ZNF572: variants seen among roughly 807,000 people sequenced by gnomAD.
The protein encoded by ZNF572 is zinc finger protein 572.
Under a neutral mutation model 3.8 loss-of-function variants are expected in ZNF572, and 2 were observed. The observed-to-expected ratio is 0.52, with a 90% confidence interval of 0.21 to 1.65. The LOEUF (loss-of-function observed/expected upper bound fraction) is 1.65. Among genes scored for constraint, ZNF572 ranks in the 40% most tolerant of loss-of-function variants. ZNF572 has a pLI of 0.20. For missense variants in ZNF572, 581 were observed against 633.4 expected, an observed-to-expected ratio of 0.92 and a Z score of 0.89; for synonymous variants, 187 against 204.5, an observed-to-expected ratio of 0.91 and a Z score of 0.73.
chr8:124,977,851 C>T lies in ZNF572; in HGVS notation c.1583C>T (p.Ser528Phe). ...FISSFSVSNS[S>F]S is the part of the protein sequence containing the mutation. ...TCTTCATTTTCCGTCTCAAATTCAT[C>T]TTCCTGAGTCCCAAAGCCTGGTTGG... The change falls in exon 3 of 3, where the codon TCT (serine) becomes TTT (phenylalanine). Residue 528 changes from serine to phenylalanine, a missense_variant. Transcript: ENST00000319286. The T allele has an allele frequency of 3.2e-6, 5 of 1,575,538 alleles. No individual in the cohort carries two copies. Among genetic ancestry groups the T allele is most frequent in the Non-Finnish European group, 4.3e-6 (5 of 1,160,394 alleles).
chr8:124,976,280 T>C (rs1814504567), intron 2 of ZNF572, 68 bp from the exon 3 acceptor site: 3 of 1,372,966 alleles, frequency 2.2e-6, no homozygotes, highest in Admixed American at 2.3e-5. Context: ...TCTCTTCCAC[T>C]GCAATTTAGA....
rs1442066366 is a variant in ZNF572 at position 124,976,983 on chromosome 8, A to G, written c.715A>G (p.Thr239Ala). 1 of 1,614,164 alleles carries G rather than the reference A, an allele frequency of 6.2e-7. No individual in the cohort carries two copies. Among genetic ancestry groups the G allele is most frequent in the African/African-American group, 1.3e-5 (1 of 75,038 alleles). Residue 239 changes from threonine (T) to alanine (A), a missense_variant, in exon 3 of 3, where the codon ACA (threonine) becomes GCA (alanine). By Grantham distance (58) the Thr-to-Ala change is moderately conservative. Coordinates refer to ENST00000319286, the MANE Select transcript of ZNF572 (RefSeq NM_152412.3). ...SHLIQHHRSH[T>A]GEKPYECSVC... ...CCTTATTCAGCATCACAGATCACAT[A>G]CAGGTGAAAAACCATATGAATGTTC...
In ZNF572 at chr8:124,977,448, G is replaced by T. The variant is rs1290521521; in HGVS notation, c.1180G>T (p.Gly394Cys). ...YRCCECGKSF[G>C]LSSHLIRHQR... ...ATGTTGTGAATGTGGGAAGAGTTTT[G>T]GCCTTAGCTCCCATCTCATTAGACA... Residue 394 changes from glycine (G) to cysteine (C), a missense_variant, in exon 3 of 3, where the codon GGC (glycine) becomes TGC (cysteine). Physicochemically the swap from Gly to Cys is radical, Grantham distance 159. Coordinates refer to ENST00000319286, the MANE Select transcript of ZNF572 (RefSeq NM_152412.3). 6.2e-6 allele frequency: 10 copies of T among 1,613,956 alleles called. No homozygotes were observed. The highest frequency in any genetic ancestry group is 2.7e-5 in the African/African-American group (2 of 74,908).
At position 124,975,627 on chromosome 8, in the gene ZNF572, CTG is replaced by C; in HGVS notation, c.-11_-10del. 3 of 1,607,206 alleles carry C rather than the reference CTG, an allele frequency of 1.9e-6. No individual in the cohort carries two copies. The highest frequency in any genetic ancestry group is 2.6e-6 in the Non-Finnish European group (3 of 1,173,868). ...ACAGGGTTTCTGATCTCTAACTTGG[CTG>C]TGATCATTGTGATGGAGCAAGAAAA... is the stretch of plus-strand genomic sequence containing the variant. On this transcript the variant is annotated 5_prime_UTR_variant, in exon 2 of 3. Transcript: ENST00000319286.
At position 124,977,425 on chromosome 8, in the gene ZNF572, G is replaced by A; in HGVS notation, c.1157G>A (p.Cys386Tyr). Residue 386 changes from cysteine (C) to tyrosine (Y), a missense_variant, in exon 3 of 3, where the codon TGT becomes TAT. By Grantham distance (194) the Cys-to-Tyr change is radical. Coordinates refer to ENST00000319286, the MANE Select transcript of ZNF572 (RefSeq NM_152412.3). The stretch of plus-strand genomic sequence containing the variant: ...CAGTTAGGAGAGAAACCATATAGAT[G>A]TTGTGAATGTGGGAAGAGTTTTGGC... ...RIQLGEKPYR[C>Y]CECGKSFGLS... 1.2e-6 allele frequency: 2 copies of A among 1,614,194 alleles called. No homozygotes were observed. The highest frequency in any genetic ancestry group is 2.2e-5 in the South Asian group (2 of 91,086).
Position 124,976,212 on chromosome 8 carries a change from C to G in ZNF572, c.80-136C>G, listed in dbSNP as rs557188402. ...GGTAAACAGAGGAAAAGAAGTAAAACTGTCTTTAAAAACTTTTTTATATGA... is the reference window on the plus strand; with the variant it reads ...GGTAAACAGAGGAAAAGAAGTAAAAGTGTCTTTAAAAACTTTTTTATATGA... On this transcript the variant is annotated intron_variant, in intron 2 of 2. Transcript: ENST00000319286. 6.9e-5 allele frequency: 49 copies of G among 711,072 alleles called. No homozygotes were observed. The African/African-American group carries it at 8.9e-4, about 13-fold the overall frequency. 44.0% of individuals were successfully genotyped at this position (711,072 alleles called of 1,614,324 possible).
chr8:124,975,865 TAAGA>T, intron 2 of ZNF572, 146 bp downstream of exon 2: 1 of 607,612 alleles, frequency 1.6e-6, no homozygotes, highest in Admixed American at 3.0e-5. Context: ...TTCTCATCTT[TAAGA>T]AAATGAATAA....
chr8:124,973,954 A>G (rs1588104131), intron 1 of ZNF572, among the ~76,000 whole-genome samples: 1 of 152,292 alleles, frequency 6.6e-6, no homozygotes, highest in African/African-American at 2.4e-5. Flanking sequence ...TTTGATAACA[A>G]TATGTAACTT....
chr8:124,977,306 C>T lies in ZNF572; in HGVS notation c.1038C>T (p.His346=). Residue 346 remains histidine, a synonymous_variant, in exon 3 of 3, where the codon CAC becomes CAT. Coordinates refer to ENST00000319286, the MANE Select transcript of ZNF572 (RefSeq NM_152412.3). ...GTCGTAGTTCAAACCTTATTACACA[C>T]CAGAAAATGCACACAGGAGAGAAAT... is the stretch of plus-strand genomic sequence containing the variant. ...NFSRSSNLIT[H]QKMHTGEKSY... is the part of the protein sequence containing the mutation. The T allele has an allele frequency of 1.2e-6, 2 of 1,612,388 alleles. No individual in the cohort carries two copies. The highest frequency in any genetic ancestry group is 1.3e-5 in the African/African-American group (1 of 74,644).
At chr8:124,974,672 C>T (rs1469333217) in intron 1 of ZNF572, among the ~76,000 whole-genome samples, 1 of 152,008 alleles carries the variant, frequency 6.6e-6, no homozygotes, top group Non-Finnish European at 1.5e-5. Context: ...ATCACATTTT[C>T]TTCTTTTTCT....
At position 124,977,724 on chromosome 8, in the gene ZNF572, C is replaced by T. The variant is rs139604349; in HGVS notation, c.1456C>T (p.His486Tyr). 1.1e-4 allele frequency: 174 copies of T among 1,614,210 alleles called. No homozygotes were observed. The highest frequency in any genetic ancestry group is 2.4e-4 in the South Asian group (22 of 91,082). ...CFSRSAYLSQ[H>Y]RKIHVEKPFE... is the part of the protein sequence containing the mutation. The stretch of plus-strand genomic sequence containing the variant: ...CAGCAGAAGTGCCTACCTCAGTCAG[C>T]ATCGGAAAATTCACGTAGAAAAGCC... Residue 486 changes from histidine (H) to tyrosine (Y), a missense_variant, in exon 3 of 3, where the codon CAT becomes TAT. Transcript: ENST00000319286.
Position 124,976,864 on chromosome 8 carries a change from A to G in ZNF572, c.596A>G (p.Asn199Ser), listed in dbSNP as rs1165455339. The G allele has an allele frequency of 1.9e-6, 3 of 1,613,960 alleles. No homozygotes were observed. The highest frequency in any genetic ancestry group is 2.5e-6 in the Non-Finnish European group (3 of 1,179,956). ...GGTGAATGTGGGAAAAGCTTCAGCA[A>G]TACCTCCCATCTTATTATCCATGAG... Reference protein sequence around the residue: ...QCGECGKSFSNTSHLIIHERT... With the variant: ...QCGECGKSFSSTSHLIIHERT... The change falls in exon 3 of 3, where the codon AAT becomes AGT. Residue 199 changes from asparagine to serine, a missense_variant. Asn to Ser is a conservative substitution (Grantham distance 46). Transcript: ENST00000319286.
At position 124,977,046 on chromosome 8, in the gene ZNF572, A is replaced by C. The variant is rs552116943; in HGVS notation, c.778A>C (p.Ile260Leu). 6.2e-7 allele frequency: 1 copy of C among 1,613,114 alleles called. No individual in the cohort carries two copies. The highest frequency in any genetic ancestry group is 1.1e-5 in the South Asian group (1 of 91,090). ...GKGFSHSYVL[I>L]EHQRTHTGEK... ...AGGCTTCAGTCACAGCTATGTCCTA[A>C]TAGAACATCAGAGGACTCACACTGG... Residue 260 changes from isoleucine to leucine, a missense_variant, in exon 3 of 3, where the codon ATA becomes CTA. By Grantham distance (5) the Ile-to-Leu change is conservative. Coordinates refer to ENST00000319286, the MANE Select transcript of ZNF572 (RefSeq NM_152412.3).
In ZNF572 at chr8:124,977,601, T is replaced by C; in HGVS notation, c.1333T>C (p.Cys445Arg). Residue 445 changes from cysteine to arginine, a missense_variant, in exon 3 of 3, where the codon TGT (cysteine) becomes CGT (arginine). Coordinates refer to ENST00000319286, the MANE Select transcript of ZNF572 (RefSeq NM_152412.3). ...TGEKPYKCPD[C>R]GESFSQSFNL... is the part of the protein sequence containing the mutation. ...AGAGAAACCTTATAAATGTCCTGAT[T>C]GTGGTGAAAGCTTCAGTCAGAGCTT... is the stretch of plus-strand genomic sequence containing the variant. The C allele has an allele frequency of 6.2e-7, 1 of 1,614,202 alleles. No individual in the cohort carries two copies. Among genetic ancestry groups the C allele is most frequent in the South Asian group, 1.1e-5 (1 of 91,092 alleles).
rs1814553952 is a variant in ZNF572 at position 124,979,257 on chromosome 8, A to G, written c.*1399A>G. 6.6e-6 allele frequency: 1 copy of G among 152,608 alleles called. No individual in the cohort carries two copies. Among genetic ancestry groups the G allele is most frequent in the Admixed American group, 6.5e-5 (1 of 15,278 alleles). The allele number at this position is 152,608 out of a possible 1,614,324, so 9.5% of individuals were successfully genotyped here. A position where few individuals can be genotyped will look rare whatever the true frequency, so the allele number is the denominator to read the frequency against. On this transcript the variant is annotated 3_prime_UTR_variant, in exon 3 of 3. Coordinates refer to ENST00000319286, the MANE Select transcript of ZNF572 (RefSeq NM_152412.3). ...AGTTGTAGCTGCTGCAAAGTTCTGTAGCTGATGGTCATTTAATTGCATGGG... is the reference window on the plus strand; with the variant it reads ...AGTTGTAGCTGCTGCAAAGTTCTGTGGCTGATGGTCATTTAATTGCATGGG...
In ZNF572 at chr8:124,976,349, A is replaced by G. The variant is rs1814505297; in HGVS notation, c.81A>G (p.Gly27=). ...TAGAATATTTGTTTATTCTTGCAGGAGATACAAGTATGAATAATTTGGAAA... is the reference window on the plus strand; with the variant it reads ...TAGAATATTTGTTTATTCTTGCAGGGGATACAAGTATGAATAATTTGGAAA... ...ERESLKSPFT[G]DTSMNNLETV... The change falls in exon 3 of 3, where the codon GGA becomes GGG. Residue 27 remains glycine, a splice_region_variant and synonymous_variant. Coordinates refer to ENST00000319286, the MANE Select transcript of ZNF572 (RefSeq NM_152412.3). The G allele has an allele frequency of 1.3e-6, 2 of 1,572,350 alleles. No individual in the cohort carries two copies. The highest frequency in any genetic ancestry group is 1.4e-5 in the African/African-American group (1 of 72,896).
At chr8:124,975,049 T>C (rs1208286604) in intron 1 of ZNF572, among the ~76,000 whole-genome samples, 1 of 152,226 alleles carries the variant, frequency 6.6e-6, no homozygotes, top group African/African-American at 2.4e-5. Flanking sequence ...CTCCTTTTTA[T>C]ATTGCAGGGT....
chr8:124,975,417 C>T (rs572188396), intron 1 of ZNF572, among the ~76,000 whole-genome samples, 189 bp from the exon 2 acceptor site: 27 of 152,256 alleles, frequency 1.8e-4, no homozygotes, highest in African/African-American at 6.5e-4. Flanking sequence ...CAGGGTTAAC[C>T]CTTAATTCTA....
chr8:124,977,289 TCAAACCTTATTA>T lies in ZNF572; in HGVS notation c.1024_1035del (p.Asn342_Thr345del). 1.2e-6 allele frequency: 2 copies of T among 1,614,102 alleles called. No homozygotes were observed. The highest frequency in any genetic ancestry group is 2.7e-5 in the African/African-American group (2 of 75,046). Reference sequence around the variant, plus strand: ...ATGTGGGAAGAATTTTAGTCGTAGTTCAAACCTTATTACACACCAGAAAATGCACACAGGAGA... The same window carrying T: ...ATGTGGGAAGAATTTTAGTCGTAGTTCACACCAGAAAATGCACACAGGAGA... On this transcript the variant is annotated inframe_deletion, in exon 3 of 3. Transcript: ENST00000319286.
Sources: gnomAD v4.1 joint callset for allele counts (sites outside exome capture counted in the v4.1 genomes callset) on GRCh38, gnomAD v4.1.1 for gene constraint, MANE v1.5 for transcripts, NCBI Gene and HGNC (gene_info 2026-07-23, HGNC 2026-07-21) for gene names.